Variants in DTWD2 observed in about 807,000 individuals in gnomAD.
DTWD2 encodes the protein DTW motif tRNA-uridine aminocarboxypropyltransferase 2, also known as tRNA-uridine aminocarboxypropyltransferase 2.
DTWD2 carries 39 observed loss-of-function variants against 31.8 expected under a neutral mutation model. That is an observed-to-expected ratio of 1.22 (90% CI 0.95 to 1.60). The LOEUF (loss-of-function observed/expected upper bound fraction) is 1.60, where lower values mean the gene tolerates loss of function less well. Among genes scored for constraint, DTWD2 ranks in the 40% most tolerant of loss-of-function variants. DTWD2 has a pLI of 0.00. For synonymous variants in DTWD2, 180 were observed against 142.8 expected (o/e 1.26, Z -1.86); for missense variants, 515 against 381.5 (o/e 1.35, Z -2.92).
At chr5:118,934,775 AAC>A (rs1754000299) in intron 3 of DTWD2, among the ~76,000 whole-genome samples, 1 of 152,208 alleles carries the variant, frequency 6.6e-6, no homozygotes, top group Non-Finnish European at 1.5e-5. Context: ...CCAATTAAAC[AAC>A]AGAGATTGTT....
chr5:118,983,075 C>T (rs888479966), intron 1 of DTWD2, among the ~76,000 whole-genome samples: 1 of 152,130 alleles, frequency 6.6e-6, no homozygotes, highest in Non-Finnish European at 1.5e-5. Flanking sequence ...CCATTTTTCA[C>T]TTTTCCCACC....
At chr5:118,918,911 C>T (rs577864114) in intron 4 of DTWD2, among the ~76,000 whole-genome samples, 96 of 151,840 alleles carry the variant, frequency 6.3e-4, no homozygotes, top group African/African-American at 2.2e-3. Flanking sequence ...TAACCAAAAA[C>T]AAGACACATT....
At chr5:118,850,246 T>C (rs1332625149) in intron 4 of DTWD2, among the ~76,000 whole-genome samples, 5 of 148,094 alleles carry the variant, frequency 3.4e-5, no homozygotes, top group African/African-American at 1.2e-4. Context: ...GGCAGATCAC[T>C]TGAGGCCAGG....
intron 4 of DTWD2, among the ~76,000 whole-genome samples, chr5:118,876,737 T>C (rs1229081585): frequency 1.3e-5 from 2 of 152,114 alleles, no homozygotes; most frequent in East Asian, 3.9e-4. Flanking sequence ...CAGTAATAAA[T>C]AGCCTACCAA....
chr5:118,845,718 A>G (rs1751837008), intron 5 of DTWD2, among the ~76,000 whole-genome samples: 1 of 152,212 alleles, frequency 6.6e-6, no homozygotes, highest in Non-Finnish European at 1.5e-5. Flanking sequence ...TTATCTACAG[A>G]CAACAATAAC....
Position 118,973,735 on chromosome 5 carries a change from G to C in DTWD2, c.218+14559C>G. On this transcript the variant is annotated intron_variant, in intron 1 of 5. Transcript: ENST00000510708. ...GCGGACTCCGGCAGCTTTATCGCCA[G>C]AGTCCCTGAACTCTCGCTTTCTTTT... The C allele has an allele frequency of 3.1e-6, 5 of 1,593,702 alleles. No individual in the cohort carries two copies. The South Asian group carries it at 4.4e-5, about 14-fold the overall frequency.
intron 4 of DTWD2, among the ~76,000 whole-genome samples, chr5:118,897,149 T>C (rs925443986): frequency 7.2e-5 from 11 of 152,172 alleles, no homozygotes; most frequent in Admixed American, 6.5e-4. Context: ...TTAATATTTA[T>C]TACAGTGAAA....
chr5:118,935,624 A>C (rs1301739804), intron 3 of DTWD2, among the ~76,000 whole-genome samples: 1 of 152,172 alleles, frequency 6.6e-6, no homozygotes, highest in Admixed American at 6.5e-5. Flanking sequence ...ACAGCAGAGG[A>C]AAAATGGTTG....
chr5:118,952,043 G>A (rs1754476734), intron 1 of DTWD2, among the ~76,000 whole-genome samples: 1 of 152,196 alleles, frequency 6.6e-6, no homozygotes, highest in Non-Finnish European at 1.5e-5. Flanking sequence ...GAGATTGAAA[G>A]GTGGCGCAGA....
chr5:118,871,949 G>C (rs1386017213), intron 4 of DTWD2, among the ~76,000 whole-genome samples: 1 of 152,124 alleles, frequency 6.6e-6, no homozygotes, highest in Non-Finnish European at 1.5e-5. Context: ...GTAGACACCT[G>C]CATCAATAAT....
At chr5:118,908,892 CA>C (rs2149569786) in intron 4 of DTWD2, among the ~76,000 whole-genome samples, 1 of 152,278 alleles carries the variant, frequency 6.6e-6, no homozygotes, top group Admixed American at 6.5e-5. Flanking sequence ...CTATTATCCA[CA>C]AACGAAAATA....
intron 4 of DTWD2, among the ~76,000 whole-genome samples, chr5:118,900,805 G>T (rs1322332226): frequency 6.6e-6 from 1 of 151,878 alleles, no homozygotes; most frequent in African/African-American, 2.4e-5. Flanking sequence ...GATGTCTGTA[G>T]TCCCAGCTAC....
At chr5:118,893,147 G>A (rs966667898) in intron 4 of DTWD2, among the ~76,000 whole-genome samples, 3 of 152,118 alleles carry the variant, frequency 2.0e-5, no homozygotes, top group Admixed American at 6.5e-5. Flanking sequence ...AGGCCAAGGC[G>A]AGCCAATGCT....
rs913649391 is a variant in DTWD2, at chr5:118,852,829, A to G, written c.598-4611T>C. On this transcript the variant is annotated intron_variant, in intron 4 of 5. Coordinates refer to ENST00000510708, the MANE Select transcript of DTWD2 (RefSeq NM_173666.4). ...TAGCAAAGGCATGGAATCAATCATG[A>G]TGGATTGAATAAAGAAAACGTGGTA... Among the ~76,000 whole-genome samples the G allele has an allele frequency of 2.6e-5, 4 of 152,128 alleles. No homozygotes were observed. In the East Asian group the frequency reaches 7.7e-4, roughly 29 times the overall value.
chr5:118,903,643 C>T (rs1238209111), intron 4 of DTWD2, among the ~76,000 whole-genome samples: 2 of 152,020 alleles, frequency 1.3e-5, no homozygotes, highest in African/African-American at 4.8e-5. Flanking sequence ...CAGATTCTTA[C>T]CACCCACATA....
chr5:118,874,496 C>T (rs1161476009), intron 4 of DTWD2, among the ~76,000 whole-genome samples: 1 of 151,992 alleles, frequency 6.6e-6, no homozygotes, highest in Non-Finnish European at 1.5e-5. Context: ...GACAAAAGAG[C>T]CAATATAGAG....
intron 4 of DTWD2, among the ~76,000 whole-genome samples, chr5:118,897,043 A>T (rs1025690549): frequency 6.6e-6 from 1 of 152,208 alleles, no homozygotes; most frequent in Non-Finnish European, 1.5e-5. Context: ...ATTTTGTGGG[A>T]GTTTGTTATG....
At chr5:118,884,563 T>A (rs1445291186) in intron 4 of DTWD2, among the ~76,000 whole-genome samples, 1 of 152,200 alleles carries the variant, frequency 6.6e-6, no homozygotes, top group Admixed American at 6.5e-5. Context: ...TCAAAAAAAT[T>A]TACTTTCTGA....
rs115655338 is a variant in DTWD2 at position 118,978,174 on chromosome 5, G to A, written c.218+10120C>T. Among the ~76,000 whole-genome samples, 851 of 151,704 alleles carry A rather than the reference G, an allele frequency of 5.6e-3. 9 individuals carry two copies. Among genetic ancestry groups the A allele is most frequent in the African/African-American group, 0.02 (825 of 41,324 alleles). On this transcript the variant is annotated intron_variant, in intron 1 of 5. Coordinates refer to ENST00000510708, the MANE Select transcript of DTWD2 (RefSeq NM_173666.4). ...TGGGAGAACTGGCTAGCCATATGCA[G>A]CAGAAAGTTGAAACTGGTCCTCTTC...
Sources: allele counts gnomAD v4.1 joint callset (sites outside exome capture counted in the v4.1 genomes callset), GRCh38; gene constraint gnomAD v4.1.1; transcripts MANE v1.5; gene names NCBI Gene and HGNC (gene_info 2026-07-23, HGNC 2026-07-21).